Variants in SLC24A3 observed in about 807,000 individuals in gnomAD.
SLC24A3 encodes the protein sodium/potassium/calcium exchanger 3.
SLC24A3 carries 28 observed loss-of-function variants against 75.8 expected under a neutral mutation model. The ratio of observed to expected loss-of-function variants is 0.37; its 90% CI spans 0.27 to 0.51. The LOEUF (loss-of-function observed/expected upper bound fraction) is 0.51, where lower values mean the gene tolerates loss of function less well. SLC24A3 is among the 20% of genes least tolerant of loss of function. The probability of loss-of-function intolerance (pLI) is 0.94; values close to 1 mark genes in which losing one functional copy is unlikely to be tolerated. For synonymous variants in SLC24A3, 372 were observed against 334.1 expected (o/e 1.11, Z -1.24); for missense variants, 663 against 847.8 (o/e 0.78, Z 2.71).
At chr20:19,309,915 G>T (rs1984415979) in intron 2 of SLC24A3, among the ~76,000 whole-genome samples, 1 of 152,090 alleles carries the variant, frequency 6.6e-6, no homozygotes, top group African/African-American at 2.4e-5. Flanking sequence ...AGTGACTCTG[G>T]GTCATTGGGA....
At chr20:19,337,012 C>T (rs1292846721) in intron 2 of SLC24A3, among the ~76,000 whole-genome samples, 1 of 152,158 alleles carries the variant, frequency 6.6e-6, no homozygotes, top group African/African-American at 2.4e-5. Context: ...ATGTTAGCCT[C>T]TCTGAGTCTG....
rs1349024839 is a variant in SLC24A3, at chr20:19,688,409, G to C, written c.1324+3048G>C. 4.6e-5 allele frequency among the ~76,000 whole-genome samples: 7 copies of C among 152,346 alleles called. No homozygotes were observed. In the East Asian group the frequency reaches 5.8e-4, roughly 13 times the overall value. ...TACAACTGTCTCTTCCCCTCCACCA[G>C]CTGCTAAGGAATCCCAGGCCCAGAA... On this transcript the variant is annotated intron_variant, in intron 12 of 16. Transcript: ENST00000328041.
At chr20:19,381,750 A>T (rs1986186313) in intron 2 of SLC24A3, among the ~76,000 whole-genome samples, 1 of 152,168 alleles carries the variant, frequency 6.6e-6, no homozygotes, top group African/African-American at 2.4e-5. Context: ...GCAGCTATTT[A>T]TGTACTAGGT....
At chr20:19,345,767 T>C (rs1985380396) in intron 2 of SLC24A3, among the ~76,000 whole-genome samples, 1 of 151,822 alleles carries the variant, frequency 6.6e-6, no homozygotes, top group African/African-American at 2.4e-5. Flanking sequence ...GGAATGACCA[T>C]AATCAAGAAT....
intron 6 of SLC24A3, among the ~76,000 whole-genome samples, chr20:19,651,371 T>TTTTATATATATATATA (rs386393480): frequency 1.9e-5 from 2 of 105,926 alleles, no homozygotes; most frequent in Non-Finnish European, 4.9e-5. Context: ...CTGGTTTTTA[T>TTTTATATATATATATA]TATATATATA....
At chr20:19,701,482 G>C (rs185367548) in intron 15 of SLC24A3, among the ~76,000 whole-genome samples, 15 of 152,288 alleles carry the variant, frequency 9.8e-5, no homozygotes, top group Admixed American at 9.2e-4. Flanking sequence ...AAGAAGTTCA[G>C]CTCTGAACTC....
chr20:19,322,564 G>A (rs755770073), intron 2 of SLC24A3, among the ~76,000 whole-genome samples: 1 of 152,110 alleles, frequency 6.6e-6, no homozygotes, highest in African/African-American at 2.4e-5. Context: ...TCCTGTGTGG[G>A]TATTTTTGAC....
intron 2 of SLC24A3, among the ~76,000 whole-genome samples, chr20:19,455,057 C>T (rs143668558): frequency 5.1e-4 from 77 of 152,194 alleles, no homozygotes; most frequent in African/African-American, 1.7e-3. Flanking sequence ...TTAGTGTCCC[C>T]CAATACCTAA....
At chr20:19,398,558 T>C (rs1181912479) in intron 2 of SLC24A3, among the ~76,000 whole-genome samples, 6 of 152,204 alleles carry the variant, frequency 3.9e-5, no homozygotes, top group Admixed American at 3.9e-4. Flanking sequence ...AACTCACATA[T>C]ATGTTCTAAT....
chr20:19,606,687 G>A (rs2031602016), intron 6 of SLC24A3, among the ~76,000 whole-genome samples: 2 of 152,340 alleles, frequency 1.3e-5, no homozygotes, highest in African/African-American at 2.4e-5. Flanking sequence ...GACTGAGAAT[G>A]CAGAGGGAAG....
intron 2 of SLC24A3, among the ~76,000 whole-genome samples, chr20:19,510,890 C>T (rs8120569): frequency 0.098 from 14,981 of 152,230 alleles, 769 homozygotes; most frequent in South Asian, 0.1. Context: ...CCCAGACATG[C>T]GGATGGTTTC....
chr20:19,326,219 G>T (rs1342942811), intron 2 of SLC24A3, among the ~76,000 whole-genome samples: 2 of 152,008 alleles, frequency 1.3e-5, no homozygotes, highest in African/African-American at 2.4e-5. Flanking sequence ...CCCCATTACC[G>T]AGATGTGGGC....
intron 1 of SLC24A3, among the ~76,000 whole-genome samples, chr20:19,250,584 G>A (rs1032109601): frequency 2.0e-5 from 3 of 152,164 alleles, no homozygotes; most frequent in African/African-American, 7.2e-5. Flanking sequence ...AAATTCCACT[G>A]AAAAACTACT....
At chr20:19,593,806 C>T (rs898601103) in intron 6 of SLC24A3, among the ~76,000 whole-genome samples, 4 of 152,224 alleles carry the variant, frequency 2.6e-5, no homozygotes, top group Non-Finnish European at 5.9e-5. Context: ...CCATGCAACC[C>T]ACTTCAGTGA....
chr20:19,531,112 T>C (rs993200220), intron 3 of SLC24A3, among the ~76,000 whole-genome samples: 7 of 150,830 alleles, frequency 4.6e-5, no homozygotes, highest in African/African-American at 1.7e-4. Context: ...TCCACATGCA[T>C]CAGGATGGGA....
chr20:19,590,446 G>A (rs2031359649), intron 6 of SLC24A3, among the ~76,000 whole-genome samples: 1 of 152,116 alleles, frequency 6.6e-6, no homozygotes, highest in Non-Finnish European at 1.5e-5. Flanking sequence ...ACAGAGGACA[G>A]GGGAGGCCAA....
chr20:19,666,524 A>AG (rs1029790958), intron 8 of SLC24A3, among the ~76,000 whole-genome samples: 2 of 152,006 alleles, frequency 1.3e-5, no homozygotes, highest in Non-Finnish European at 2.9e-5. Context: ...CAAAAAAAAA[A>AG]TTGTGTCCAA....
intron 2 of SLC24A3, among the ~76,000 whole-genome samples, chr20:19,364,159 G>A (rs775130268): frequency 1.3e-5 from 2 of 152,314 alleles, no homozygotes; most frequent in Admixed American, 1.3e-4. Context: ...GATATCTGGT[G>A]TTTGGAGAAG....
intron 2 of SLC24A3, among the ~76,000 whole-genome samples, chr20:19,423,649 G>T (rs1166240017): frequency 6.6e-6 from 1 of 152,176 alleles, no homozygotes; most frequent in Admixed American, 6.5e-5. Context: ...CAGAGCTTGA[G>T]CAAAGGCAGG....
Sources: gnomAD v4.1 joint callset for allele counts (sites outside exome capture counted in the v4.1 genomes callset) on GRCh38, gnomAD v4.1.1 for gene constraint, MANE v1.5 for transcripts, NCBI Gene and HGNC (gene_info 2026-07-23, HGNC 2026-07-21) for gene names.